Variants in COQ2 observed in about 807,000 individuals in gnomAD.
The protein encoded by COQ2 is coenzyme Q2, polyprenyltransferase.
Under a neutral mutation model 35.7 loss-of-function variants are expected in COQ2, and 25 were observed. That is an observed-to-expected ratio of 0.70 (90% CI 0.51 to 0.98). The LOEUF (loss-of-function observed/expected upper bound fraction) is 0.98. COQ2 is among the 50% of genes least tolerant of loss of function. The pLI is 0.00. For synonymous variants in COQ2, 206 were observed against 186.2 expected (o/e 1.11, Z -0.86); for missense variants, 488 against 473.5 (o/e 1.03, Z -0.28).
intron 1 of COQ2, chr4:83,283,929 C>T (rs1735387744): frequency 1.0e-6 from 1 of 985,324 alleles, no homozygotes; most frequent in East Asian, 1.1e-4. Context: ...GCTGTCCCTG[C>T]TGCGTTCAAA....
intron 1 of COQ2, among the ~76,000 whole-genome samples, chr4:83,282,024 G>A (rs1735337530): frequency 1.3e-5 from 2 of 151,716 alleles, no homozygotes; most frequent in African/African-American, 2.4e-5. Flanking sequence ...GAAGAAAGAC[G>A]CAGAGGTAGC....
At chr4:83,281,193 C>T in intron 1 of COQ2, among the ~76,000 whole-genome samples, 1 of 152,190 alleles carries the variant, frequency 6.6e-6, no homozygotes, top group Middle Eastern at 3.2e-3. Flanking sequence ...ACTTTCTTTA[C>T]CCTGGAGCTA....
chr4:83,278,007 CA>C (rs1277482528), intron 2 of COQ2, among the ~76,000 whole-genome samples: 67 of 151,316 alleles, frequency 4.4e-4, no homozygotes, highest in African/African-American at 1.6e-3. Flanking sequence ...CACACACACA[CA>C]CACACACACA....
chr4:83,283,013 T>C (rs1560497036), intron 1 of COQ2, among the ~76,000 whole-genome samples: 2 of 152,182 alleles, frequency 1.3e-5, no homozygotes, highest in African/African-American at 4.8e-5. Flanking sequence ...AGGCTTCAGA[T>C]TGGAACTGGG....
rs1365588727 is a variant in COQ2 at position 83,272,175 on chromosome 4, G to A, written c.543-3C>T. The stretch of plus-strand genomic sequence containing the variant: ...AGGATCCTGCTCCCAGAGCTATACT[G>A]AAAAGAGGAAAAACCATTAAAGTGA... On this transcript the variant is annotated splice_region_variant and splice_polypyrimidine_tract_variant and intron_variant, in intron 3 of 6. Coordinates refer to ENST00000647002, the MANE Select transcript of COQ2 (RefSeq NM_001358921.2). 1.9e-6 allele frequency: 3 copies of A among 1,592,592 alleles called. No individual in the cohort carries two copies. The highest frequency in any genetic ancestry group is 3.4e-5 in the Admixed American group (2 of 58,156).
upstream of COQ2, chr4:83,284,851 T>G (rs112033303): frequency 5.3e-4 from 826 of 1,547,008 alleles, 12 homozygotes; most frequent in Admixed American, 0.015. Flanking sequence ...AATCCTAGTC[T>G]GCCAGGCTGG....
intron 4 of COQ2, 100 bp from the exon 5 acceptor site, chr4:83,270,093 C>T (rs767691112): frequency 2.3e-6 from 3 of 1,298,224 alleles, no homozygotes; most frequent in Non-Finnish European, 3.2e-6. Context: ...TCCTGGGTAT[C>T]AGACTCTGTG....
intron 1 of COQ2, chr4:83,281,636 TTAA>T (rs1447260189): frequency 9.8e-5 from 15 of 152,338 alleles, no homozygotes; most frequent in African/African-American, 3.1e-4. Flanking sequence ...GATGACAATA[TTAA>T]TGATGTTATG....
In COQ2 at chr4:83,266,364, T is replaced by C. The variant is rs1734918571; in HGVS notation, c.951+1222A>G. ...CTTCATGAATATCTTCTTTTTTTTTTGTTTTTTTTTTGAGATGGAGTCTTG... is the reference window on the plus strand; with the variant it reads ...CTTCATGAATATCTTCTTTTTTTTTCGTTTTTTTTTTGAGATGGAGTCTTG... On this transcript the variant is annotated intron_variant, in intron 6 of 6. Transcript: ENST00000647002. Among the ~76,000 whole-genome samples, 8 of 115,166 alleles carry C rather than the reference T, an allele frequency of 6.9e-5. No homozygotes were observed. The South Asian group carries it at 1.9e-3, about 28-fold the overall frequency. 75.6% of individuals were successfully genotyped at this position (115,166 alleles called of 152,430 possible).
chr4:83,273,879 C>G (rs930681990), intron 2 of COQ2, among the ~76,000 whole-genome samples: 7 of 147,728 alleles, frequency 4.7e-5, no homozygotes, highest in Admixed American at 7.0e-5. Context: ...TGCAGTGGCT[C>G]AAGCCTGTAA....
rs149054455 is a variant in COQ2 at position 83,273,752 on chromosome 4, A to G, written c.421-135T>C. On this transcript the variant is annotated intron_variant, in intron 2 of 6. Transcript: ENST00000647002. ...AAATCAACATTTTAAGTACTGTCAG[A>G]AATCAAAACTTCACATTTAAAATAG... 1,109 of 846,218 alleles carry G rather than the reference A, an allele frequency of 1.3e-3. 3 individuals are homozygous for G. In the African/African-American group the frequency reaches 0.017, roughly 13 times the overall value. 52.4% of individuals were successfully genotyped at this position (846,218 alleles called of 1,614,324 possible). A position where few individuals can be genotyped will look rare whatever the true frequency, so the allele number is the denominator to read the frequency against.
chr4:83,271,933 G>A (rs1735056549), intron 4 of COQ2, among the ~76,000 whole-genome samples, 154 bp downstream of exon 4: 1 of 152,174 alleles, frequency 6.6e-6, no homozygotes, highest in South Asian at 2.1e-4. Flanking sequence ...AATAAAAATA[G>A]CTAACTGCTC....
intron 6 of COQ2, among the ~76,000 whole-genome samples, chr4:83,265,840 T>A (rs1388632947): frequency 1.3e-5 from 2 of 151,918 alleles, no homozygotes; most frequent in African/African-American, 4.8e-5. Context: ...AATTTTTGTA[T>A]TATTAGTAGA....
At chr4:83,283,794 G>C in intron 1 of COQ2, 2 of 985,446 alleles carry the variant, frequency 2.0e-6, no homozygotes, top group African/African-American at 3.5e-5. Context: ...TTAGTGGTGA[G>C]TGCTATTAAG....
In COQ2 at chr4:83,284,784, CGAGCTCGGATT is replaced by C; in HGVS notation, c.-31_-21del. The C allele has an allele frequency of 1.3e-6, 2 of 1,565,042 alleles. No homozygotes were observed. The highest frequency in any genetic ancestry group is 3.7e-5 in the Admixed American group (2 of 54,710). Reference sequence around the variant, plus strand: ...CAGCATGGCGCTGGTGAGGCCGGGACGAGCTCGGATTGACGTCATTCCCCGGCAGGCATGCG... The same window carrying C: ...CAGCATGGCGCTGGTGAGGCCGGGACGACGTCATTCCCCGGCAGGCATGCG... On this transcript the variant is annotated 5_prime_UTR_variant, in exon 1 of 7. Transcript: ENST00000647002.
At position 83,267,783 on chromosome 4, in the gene COQ2, A is replaced by G. The variant is rs1228730765; in HGVS notation, c.763-9T>C. On this transcript the variant is annotated splice_polypyrimidine_tract_variant and intron_variant, in intron 5 of 6. Coordinates refer to ENST00000647002, the MANE Select transcript of COQ2 (RefSeq NM_001358921.2). ...ACATCATCTCTTTTGTCCTAATATC[A>G]GAAAGAAAAATAAACTGTTTTTTGA... 2.0e-6 allele frequency: 3 copies of G among 1,529,978 alleles called. No individual in the cohort carries two copies. Among genetic ancestry groups the G allele is most frequent in the Non-Finnish European group, 2.6e-6 (3 of 1,137,682 alleles). 94.8% of individuals were successfully genotyped at this position (1,529,978 alleles called of 1,614,324 possible).
At chr4:83,273,076 A>C (rs1311750527) in intron 3 of COQ2, among the ~76,000 whole-genome samples, 5 of 152,224 alleles carry the variant, frequency 3.3e-5, no homozygotes, top group African/African-American at 4.8e-5. Flanking sequence ...TTGATTAGTA[A>C]CACCACCCTG....
intron 1 of COQ2, among the ~76,000 whole-genome samples, chr4:83,279,897 G>A (rs574611320): frequency 5.4e-4 from 66 of 121,170 alleles, no homozygotes; most frequent in African/African-American, 2.0e-3. Context: ...ATCTCACTCT[G>A]TCACCCAAGC....
intron 2 of COQ2, among the ~76,000 whole-genome samples, chr4:83,275,059 T>A (rs1735135194): frequency 6.6e-6 from 1 of 152,252 alleles, no homozygotes; most frequent in African/African-American, 2.4e-5. Context: ...TTCATTTGTT[T>A]CAAGAATGTT....
Sources: gnomAD v4.1 joint callset for allele counts (sites outside exome capture counted in the v4.1 genomes callset) on GRCh38, gnomAD v4.1.1 for gene constraint, MANE v1.5 for transcripts, NCBI Gene and HGNC (gene_info 2026-07-23, HGNC 2026-07-21) for gene names.